TASOR2: variants seen among roughly 807,000 people sequenced by gnomAD.
TASOR2 encodes transcription activation suppressor family member 2, also known as protein TASOR 2.
TASOR2 carries 84 observed loss-of-function variants against 199.5 expected under a neutral mutation model. The observed-to-expected ratio is 0.42, with a 90% CI of 0.35 to 0.50. The LOEUF (loss-of-function observed/expected upper bound fraction) is 0.50, where lower values mean the gene tolerates loss of function less well. TASOR2 is among the 20% of genes least tolerant of loss of function. The probability of loss-of-function intolerance (pLI) is 0.02; values close to 1 mark genes in which losing one functional copy is unlikely to be tolerated. For synonymous variants in TASOR2, 1,103 were observed against 1,046.6 expected (o/e 1.05, Z -1.04); for missense variants, 2,796 against 2,835.9 (o/e 0.99, Z 0.32).
intron 8 of TASOR2, among the ~76,000 whole-genome samples, chr10:5,725,438 G>A (rs916146011): frequency 6.7e-6 from 1 of 150,262 alleles, no homozygotes; most frequent in Non-Finnish European, 1.5e-5. Context: ...TTCACATACT[G>A]GGCAGGAGGG....
chr10:5,756,523 C>A, intron 15 of TASOR2, 90 bp from the exon 17 acceptor site: 1 of 1,349,916 alleles, frequency 7.4e-7, no homozygotes. Context: ...CCTTATTAGA[C>A]TATACTGCTT....
chr10:5,756,831 G>C, intron 16 of TASOR2, 93 bp downstream of exon 17: 2 of 1,349,832 alleles, frequency 1.5e-6, no homozygotes, highest in South Asian at 2.8e-5. Context: ...ATGTAGAAGA[G>C]AAGCTAACAG....
chr10:5,722,762 C>A lies in TASOR2; in HGVS notation c.147-915C>A, dbSNP rs1285447767. On this transcript the variant is annotated intron_variant, in intron 6 of 20. Coordinates refer to ENST00000328090, the Ensembl canonical transcript of TASOR2. The surrounding 1 kb of genome is among the most constrained non-coding windows in gnomAD (Gnocchi z 4.0). ...GTGGCTTACACCTGTAGTCCCAGCACTTTGGGAGGCCGAGGTGAGCAGATT... is the reference window on the plus strand; with the variant it reads ...GTGGCTTACACCTGTAGTCCCAGCAATTTGGGAGGCCGAGGTGAGCAGATT... Among the ~76,000 whole-genome samples the A allele has an allele frequency of 6.6e-6, 1 of 152,054 alleles. No individual in the cohort carries two copies. Among genetic ancestry groups the A allele is most frequent in the African/African-American group, 2.4e-5 (1 of 41,410 alleles).
At chr10:5,716,789 C>T (rs1297807445) in intron 2 of TASOR2, among the ~76,000 whole-genome samples, 33 of 151,990 alleles carry the variant, frequency 2.2e-4, no homozygotes, top group African/African-American at 2.4e-5. Context: ...GTGGCATGCA[C>T]CTGTAATCCC....
intron 1 of TASOR2, among the ~76,000 whole-genome samples, chr10:5,703,745 C>T (rs1425192056): frequency 2.0e-5 from 3 of 151,438 alleles, no homozygotes; most frequent in East Asian, 3.9e-4. Context: ...CCTCGTGATC[C>T]GCCCGCCTCT....
chr10:5,740,331 C>T lies in TASOR2; in HGVS notation c.2161C>T (p.Arg721Ter), dbSNP rs370264670. 6 of 1,614,206 alleles carry T rather than the reference C, an allele frequency of 3.7e-6. No homozygotes were observed. The highest frequency in any genetic ancestry group is 5.1e-6 in the Non-Finnish European group (6 of 1,180,040). ...CGACCCCGTGGTGAAGCCCAAGGATCGACCACCGTCTGCCCGTGTGAAAAA... is the reference window on the plus strand; with the variant it reads ...CGACCCCGTGGTGAAGCCCAAGGATTGACCACCGTCTGCCCGTGTGAAAAA... Residue 721 changes from arginine (R) to a stop codon, truncating the protein, a stop_gained, in exon 13 of 21, where the codon CGA becomes TGA. Coordinates refer to ENST00000328090, the Ensembl canonical transcript of TASOR2. LOFTEE classifies it high-confidence loss of function. This position sits in a 1 kb window ranked among gnomAD's most constrained non-coding sequence, Gnocchi z 5.3.
chr10:5,742,759 C>G lies in TASOR2; in HGVS notation c.2757+233C>G, dbSNP rs574226371. Among the ~76,000 whole-genome samples the G allele has an allele frequency of 6.6e-6, 1 of 152,272 alleles. No individual in the cohort carries two copies. Among genetic ancestry groups the G allele is most frequent in the South Asian group, 2.1e-4 (1 of 4,830 alleles). ...AAAAAACCAGAGTAGAAAAATGTCA[C>G]AGGGTCCACATGATCTGGGAGCCCA... is the stretch of plus-strand genomic sequence containing the variant. On this transcript the variant is annotated intron_variant, in intron 14 of 20. Coordinates refer to ENST00000328090, the Ensembl canonical transcript of TASOR2. The surrounding 1 kb of genome is among the most constrained non-coding windows in gnomAD (Gnocchi z 4.2).
intron 19 of TASOR2, chr10:5,761,819 AG>A (rs1211371362): frequency 1.2e-5 from 2 of 165,908 alleles, no homozygotes; most frequent in Non-Finnish European, 2.6e-5. Flanking sequence ...GGATCACTTG[AG>A]GTCAGGAGTT....
chr10:5,714,224 A>G lies in TASOR2; in HGVS notation c.-192+1306A>G, dbSNP rs1832306361. The G allele has an allele frequency of 4.1e-6, 5 of 1,228,614 alleles. No individual in the cohort carries two copies. In the East Asian group the frequency reaches 1.6e-4, roughly 39 times the overall value. The allele number at this position is 1,228,614 out of a possible 1,614,324, so 76.1% of individuals were successfully genotyped here. A position where few individuals can be genotyped will look rare whatever the true frequency, so the allele number is the denominator to read the frequency against. On this transcript the variant is annotated intron_variant, in intron 2 of 20. Transcript: ENST00000328090. ...CAGCCAAAGGTAAGTCCGTAAAGCA[A>G]AAAGAATCTTAAAAAAAAATCTTCT...
intron 18 of TASOR2, among the ~76,000 whole-genome samples, chr10:5,760,285 C>T (rs1374623428): frequency 2.0e-5 from 3 of 152,104 alleles, no homozygotes; most frequent in South Asian, 2.1e-4. Flanking sequence ...ATATGTGGTC[C>T]GTCATTGACT....
At chr10:5,734,016 T>G (rs1389239539) in intron 11 of TASOR2, among the ~76,000 whole-genome samples, 1 of 152,236 alleles carries the variant, frequency 6.6e-6, no homozygotes, top group African/African-American at 2.4e-5. Flanking sequence ...TCTCCTTTTT[T>G]CTCCTACATT....
At chr10:5,691,825 A>T (rs1353657817) in intron 1 of TASOR2, among the ~76,000 whole-genome samples, 1 of 152,076 alleles carries the variant, frequency 6.6e-6, no homozygotes, top group Non-Finnish European at 1.5e-5. Context: ...TTGGGAAGGG[A>T]CCTCATCCCT....
chr10:5,763,383 G>A (rs1840174449), exon 21 of TASOR2: 2 of 211,368 alleles, frequency 9.5e-6, no homozygotes, highest in Non-Finnish European at 1.8e-5. Flanking sequence ...GCATGCTAAT[G>A]TCAGAAAGGC....
At chr10:5,739,402 A>G (rs975561027) in intron 12 of TASOR2, among the ~76,000 whole-genome samples, 2 of 152,182 alleles carry the variant, frequency 1.3e-5, no homozygotes, top group Admixed American at 6.5e-5. Flanking sequence ...GTTGAAAGAG[A>G]CCTTAATCCA....
chr10:5,750,125 T>C lies in TASOR2; in HGVS notation c.6606+98T>C, dbSNP rs111616526. 16 of 1,280,780 alleles carry C rather than the reference T, an allele frequency of 1.2e-5. No individual in the cohort carries two copies. Among genetic ancestry groups the C allele is most frequent in the African/African-American group, 1.0e-4 (7 of 66,712 alleles). The allele number at this position is 1,280,780 out of a possible 1,614,324, so 79.3% of individuals were successfully genotyped here. ...ATTAGCCATCAAAAAGAAATCATGG[T>C]ATGACATAGTATTTAAATTTCACAG... On this transcript the variant is annotated intron_variant, in intron 15 of 20. Transcript: ENST00000328090. The surrounding 1 kb of genome is among the most constrained non-coding windows in gnomAD (Gnocchi z 5.4).
intron 19 of TASOR2, 55 bp from the exon 21 acceptor site, chr10:5,762,477 T>G: frequency 2.1e-6 from 1 of 468,814 alleles, no homozygotes; most frequent in Non-Finnish European, 3.5e-6. Flanking sequence ...GGTCCTGTTA[T>G]ATAAAAGTAC....
exon 15 of TASOR2, chr10:5,746,667 G>T: frequency 6.2e-7 from 1 of 1,614,088 alleles, no homozygotes; most frequent in South Asian, 1.1e-5. Context: ...AGAAGGAGTT[G>T]ATTAAGCAAG....
At chr10:5,761,241 T>G (rs752329159) in intron 18 of TASOR2, 49 bp from the exon 20 acceptor site, 1 of 1,521,766 alleles carries the variant, frequency 6.6e-7, no homozygotes, top group South Asian at 1.2e-5. Flanking sequence ...GAAAAAGTCC[T>G]AAGAATAAAA....
rs539918423 is a variant in TASOR2, at chr10:5,690,527, G to T, written c.-288+5352G>T. ...TTTATCTGTGCCCAGGACATTTTGCGTGGGCTACGTGTAGAGGTGGTGGCC... is the reference window on the plus strand; with the variant it reads ...TTTATCTGTGCCCAGGACATTTTGCTTGGGCTACGTGTAGAGGTGGTGGCC... On this transcript the variant is annotated intron_variant, in intron 1 of 20. Coordinates refer to ENST00000328090, the Ensembl canonical transcript of TASOR2. The surrounding 1 kb of genome is among the most constrained non-coding windows in gnomAD (Gnocchi z 4.8). 6.6e-6 allele frequency among the ~76,000 whole-genome samples: 1 copy of T among 152,174 alleles called. No individual in the cohort carries two copies. The highest frequency in any genetic ancestry group is 1.5e-5 in the Non-Finnish European group (1 of 68,044).
Sources: allele counts gnomAD v4.1 joint callset (sites outside exome capture counted in the v4.1 genomes callset), GRCh38; gene constraint gnomAD v4.1.1; non-coding constraint Gnocchi (gnomAD v3.1); transcripts MANE v1.5; gene names NCBI Gene and HGNC (gene_info 2026-07-23, HGNC 2026-07-21).